SLC24A2: variants seen among roughly 807,000 people sequenced by gnomAD.
SLC24A2 encodes sodium/potassium/calcium exchanger 2.
A neutral mutation model predicts 62.0 loss-of-function variants in SLC24A2; 36 were observed. The ratio of observed to expected loss-of-function variants is 0.58; its 90% CI spans 0.44 to 0.77. The LOEUF (loss-of-function observed/expected upper bound fraction) is 0.77, where lower values mean the gene tolerates loss of function less well. Ranked by LOEUF, SLC24A2 falls within the 30% of genes least tolerant of loss-of-function variation. The pLI is 0.00. For missense variants in SLC24A2, 846 were observed against 817.9 expected, an observed-to-expected ratio of 1.03 and a Z score of -0.42; for synonymous variants, 358 against 294.0, an observed-to-expected ratio of 1.22 and a Z score of -2.23.
Position 19,710,843 on chromosome 9 carries a change from G to C in SLC24A2, c.930+75094C>G, listed in dbSNP as rs76168418. On this transcript the variant is annotated intron_variant, in intron 2 of 10. Transcript: ENST00000341998. The stretch of plus-strand genomic sequence containing the variant: ...ATCAGCCAGCTAGGAGGGTGCTGCA[G>C]GAACACAGGGACAAATGATCCTACC... Among the ~76,000 whole-genome samples the C allele has an allele frequency of 4.3e-3, 648 of 152,280 alleles. 4 individuals are homozygous for C. Among genetic ancestry groups the C allele is most frequent in the African/African-American group, 0.015 (620 of 41,546 alleles).
At chr9:20,204,230 A>C in the SLC24A2 span, among the ~76,000 whole-genome samples, 8 of 152,246 alleles carry the variant, frequency 5.3e-5, no homozygotes, top group Admixed American at 5.2e-4. Context: ...GTACAGTTGA[A>C]TTGCTGAATG....
At chr9:20,188,094 A>C in the SLC24A2 span, among the ~76,000 whole-genome samples, 6 of 149,084 alleles carry the variant, frequency 4.0e-5, no homozygotes, top group African/African-American at 9.9e-5. Flanking sequence ...TTGGTTTTCT[A>C]TCCTGTCAGA....
At chr9:19,538,792 C>G (rs1174494721) in intron 8 of SLC24A2, among the ~76,000 whole-genome samples, 1 of 122,482 alleles carries the variant, frequency 8.2e-6, no homozygotes, top group African/African-American at 3.2e-5. Context: ...CCAGCTCCTC[C>G]TTGTACCTCT....
the SLC24A2 span, among the ~76,000 whole-genome samples, chr9:20,188,588 T>A: frequency 6.6e-6 from 1 of 152,134 alleles, no homozygotes. Flanking sequence ...ATGGGGAGAA[T>A]AGCCTGAAAT....
At chr9:20,037,175 G>A in the SLC24A2 span, among the ~76,000 whole-genome samples, 8 of 149,916 alleles carry the variant, frequency 5.3e-5, no homozygotes, top group Admixed American at 4.6e-4. Flanking sequence ...TGGGATTACA[G>A]GCGTGAGCCG....
At chr9:20,269,072 A>C in the SLC24A2 span, among the ~76,000 whole-genome samples, 2 of 152,320 alleles carry the variant, frequency 1.3e-5, no homozygotes, top group East Asian at 1.9e-4. Flanking sequence ...TTGACAATTT[A>C]AAAGTGACCT....
chr9:20,271,040 T>G, the SLC24A2 span, among the ~76,000 whole-genome samples: 2 of 152,148 alleles, frequency 1.3e-5, no homozygotes, highest in Non-Finnish European at 2.9e-5. Flanking sequence ...TAATCCTCCC[T>G]GAAATACACA....
the SLC24A2 span, among the ~76,000 whole-genome samples, chr9:19,910,266 A>G: frequency 1.3e-5 from 2 of 152,064 alleles, no homozygotes; most frequent in East Asian, 3.9e-4. Flanking sequence ...CCTGCTCCTT[A>G]CCCTTCCTAT....
chr9:20,274,718 C>T, the SLC24A2 span, among the ~76,000 whole-genome samples: 4 of 152,266 alleles, frequency 2.6e-5, no homozygotes, highest in Non-Finnish European at 5.9e-5. Flanking sequence ...ACAATGATGA[C>T]AGAAGAAGCT....
At chr9:20,040,804 C>T in the SLC24A2 span, among the ~76,000 whole-genome samples, 1 of 152,202 alleles carries the variant, frequency 6.6e-6, no homozygotes, top group African/African-American at 2.4e-5. Context: ...CCAGAGCCTA[C>T]ACAAGCTGCT....
Position 19,511,622 on chromosome 9 carries a change from AG to A in SLC24A2, c.*4530del, listed in dbSNP as rs1589109032. Reference sequence around the variant, plus strand: ...AAGACAGTATTGTTGAGACAGGTATAGGGGTTGAGGAGGTATCTTTTAAAAA... The same window carrying A: ...AAGACAGTATTGTTGAGACAGGTATAGGGTTGAGGAGGTATCTTTTAAAAA... On this transcript the variant is annotated 3_prime_UTR_variant, in exon 11 of 11. Transcript: ENST00000341998. 6.6e-6 allele frequency: 1 copy of A among 152,142 alleles called. No homozygotes were observed. Among genetic ancestry groups the A allele is most frequent in the Non-Finnish European group, 1.5e-5 (1 of 68,030 alleles). The allele number at this position is 152,142 out of a possible 1,614,324, so 9.4% of individuals were successfully genotyped here. A position where few individuals can be genotyped will look rare whatever the true frequency, so the allele number is the denominator to read the frequency against.
At chr9:19,899,138 G>C in the SLC24A2 span, among the ~76,000 whole-genome samples, 1 of 152,134 alleles carries the variant, frequency 6.6e-6, no homozygotes, top group African/African-American at 2.4e-5. Context: ...TTCTCACCCT[G>C]CTGTCTTCTA....
the SLC24A2 span, among the ~76,000 whole-genome samples, chr9:20,096,458 GTTTT>G: frequency 2.6e-5 from 4 of 151,888 alleles, no homozygotes; most frequent in African/African-American, 9.7e-5. Flanking sequence ...CCTGTCATCG[GTTTT>G]TTCTTTTTAC....
At chr9:19,855,185 T>C in the SLC24A2 span, among the ~76,000 whole-genome samples, 1,158 of 152,266 alleles carry the variant, frequency 7.6e-3, 12 homozygotes, top group Non-Finnish European at 0.012. Context: ...ATGGGTGTCT[T>C]TGCACATAAG....
rs1832713779 is a variant in SLC24A2 at position 19,511,472 on chromosome 9, A to G, written c.*4681T>C. The G allele has an allele frequency of 6.6e-6, 1 of 152,192 alleles. No individual in the cohort carries two copies. The highest frequency in any genetic ancestry group is 1.5e-5 in the Non-Finnish European group (1 of 68,032). The allele number at this position is 152,192 out of a possible 1,614,324, so 9.4% of individuals were successfully genotyped here. ...TTACTGTTTTAAACTACATAGGGAT[A>G]TATTTCCACGTGACACTTGTTTTCT... On this transcript the variant is annotated 3_prime_UTR_variant, in exon 11 of 11. Transcript: ENST00000341998.
chr9:19,597,151 A>G (rs1563988955), intron 5 of SLC24A2, 78 bp downstream of exon 5: 1 of 959,078 alleles, frequency 1.0e-6, no homozygotes, highest in African/African-American at 1.6e-5. Flanking sequence ...AGAGGAAAAA[A>G]AAGAATAAAA....
the SLC24A2 span, among the ~76,000 whole-genome samples, chr9:19,863,891 G>A: frequency 7.9e-5 from 12 of 151,468 alleles, no homozygotes; most frequent in South Asian, 2.1e-4. Flanking sequence ...AAAGATCAAC[G>A]AAACAAAAAG....
At chr9:19,924,485 T>G in the SLC24A2 span, among the ~76,000 whole-genome samples, 1 of 152,142 alleles carries the variant, frequency 6.6e-6, no homozygotes, top group South Asian at 2.1e-4. Context: ...TGGTCAGGTT[T>G]CCATCACTGA....
At chr9:20,293,806 T>C in the SLC24A2 span, among the ~76,000 whole-genome samples, 5 of 152,312 alleles carry the variant, frequency 3.3e-5, no homozygotes, top group African/African-American at 1.2e-4. Context: ...CTAGAGATAT[T>C]TGAAGACATT....
Sources: allele counts gnomAD v4.1 joint callset (sites outside exome capture counted in the v4.1 genomes callset), GRCh38; gene constraint gnomAD v4.1.1; transcripts MANE v1.5; gene names NCBI Gene and HGNC (gene_info 2026-07-23, HGNC 2026-07-21).